Variants in TENM1 observed in about 807,000 individuals in gnomAD.
The protein encoded by TENM1 is teneurin-1.
Under a neutral mutation model 174.8 loss-of-function variants are expected in TENM1, and 35 were observed. The ratio of observed to expected loss-of-function variants is 0.20; its 90% CI spans 0.15 to 0.27. TENM1 has a LOEUF of 0.27. TENM1 is among the 10% of genes least tolerant of loss of function. The pLI is 1.00. For synonymous variants in TENM1, 781 were observed against 798.7 expected, an observed-to-expected ratio of 0.98 and a Z score of 0.37; for missense variants, 1,633 against 2,130.1, an observed-to-expected ratio of 0.77 and a Z score of 4.59.
At chrX:125,017,961 T>C in the TENM1 span, among the ~76,000 whole-genome samples, 1 of 111,351 alleles carries the variant, frequency 9.0e-6, no homozygotes, top group Admixed American at 9.6e-5. Context: ...GGCACGTGTA[T>C]ACCTATGTAA....
At chrX:124,530,881 G>A (rs2048090316) in intron 15 of TENM1, among the ~76,000 whole-genome samples, 2 of 111,992 alleles carry the variant, frequency 1.8e-5, no homozygotes, top group South Asian at 3.7e-4. Context: ...GACTTTCAGC[G>A]CTAGCCTGGC....
intron 11 of TENM1, among the ~76,000 whole-genome samples, chrX:124,602,801 T>C (rs771909839): frequency 1.3e-4 from 15 of 111,493 alleles, no homozygotes; most frequent in Non-Finnish European, 2.5e-4. Context: ...CCAGAGAAAG[T>C]GAAACTGAAG....
At chrX:125,125,226 A>T in the TENM1 span, among the ~76,000 whole-genome samples, 31 of 112,341 alleles carry the variant, frequency 2.8e-4, no homozygotes, top group Non-Finnish European at 1.7e-4. Flanking sequence ...TCCTGCCAAT[A>T]AATCGACACA....
chrX:125,176,814 C>T, the TENM1 span, among the ~76,000 whole-genome samples: 1 of 111,637 alleles, frequency 9.0e-6, no homozygotes, highest in South Asian at 3.7e-4. Flanking sequence ...TCTCCCTCCG[C>T]CTTTTCAAAC....
rs750487984 is a variant in TENM1, at chrX:124,486,865, C to A, written c.3716+344G>T. 5.4e-5 allele frequency among the ~76,000 whole-genome samples: 6 copies of A among 112,018 alleles called. No homozygotes were observed. In the South Asian group the frequency reaches 2.2e-3, roughly 42 times the overall value. Reference sequence around the variant, plus strand: ...GCTGTATTACCTCTTTCTCTACCTGCAATTTGAAAACATCAAATCTATTTG... The same window carrying A: ...GCTGTATTACCTCTTTCTCTACCTGAAATTTGAAAACATCAAATCTATTTG... On this transcript the variant is annotated intron_variant, in intron 21 of 31. Coordinates refer to ENST00000422452, the Ensembl canonical transcript of TENM1.
chrX:125,031,912 T>C, the TENM1 span, among the ~76,000 whole-genome samples: 44 of 111,823 alleles, frequency 3.9e-4, 1 homozygote, highest in Non-Finnish European at 3.8e-5. Flanking sequence ...ATAAAAGTAA[T>C]AGAATGTGTT....
At chrX:125,174,393 G>T in the TENM1 span, among the ~76,000 whole-genome samples, 3,010 of 111,446 alleles carry the variant, frequency 0.027, 114 homozygotes, top group African/African-American at 0.093. Context: ...AAATAAGCCA[G>T]GAAGAAATGT....
chrX:124,628,097 T>G (rs1451210968), intron 11 of TENM1, among the ~76,000 whole-genome samples: 1 of 111,646 alleles, frequency 9.0e-6, no homozygotes, highest in Admixed American at 9.6e-5. Context: ...GAAGTAGATT[T>G]AAAATGGTTA....
At chrX:124,925,113 CAG>C (rs2058074600) in intron 1 of TENM1, among the ~76,000 whole-genome samples, 1 of 108,249 alleles carries the variant, frequency 9.2e-6, no homozygotes. Context: ...AATATGGAGA[CAG>C]AATTTAACAT....
intron 3 of TENM1, among the ~76,000 whole-genome samples, chrX:124,861,804 C>T (rs2056916562): frequency 9.0e-6 from 1 of 111,474 alleles, no homozygotes; most frequent in African/African-American, 3.3e-5. Context: ...CATGCATGTG[C>T]TTATTTATTT....
At position 124,665,359 on chromosome X, in the gene TENM1, AACGAT is replaced by A. The variant is rs916046411; in HGVS notation, c.1168+6319_1168+6323del. Among the ~76,000 whole-genome samples, 4 of 112,122 alleles carry A rather than the reference AACGAT, an allele frequency of 3.6e-5. No homozygotes were observed. In the Admixed American group the frequency reaches 3.8e-4, roughly 11 times the overall value. ...CCGTCTCAAAAAAAAAAGAAAAGGT[AACGAT>A]AGCTGCCACAGAATAAAACTATTAT... On this transcript the variant is annotated intron_variant, in intron 6 of 31. Coordinates refer to ENST00000422452, the Ensembl canonical transcript of TENM1.
chrX:124,883,516 G>A (rs2057335316), intron 3 of TENM1, among the ~76,000 whole-genome samples: 1 of 112,463 alleles, frequency 8.9e-6, no homozygotes, highest in African/African-American at 3.2e-5. Flanking sequence ...ACCAGTCTTA[G>A]TGGGTCCAGG....
chrX:125,142,505 A>G, the TENM1 span, among the ~76,000 whole-genome samples: 32 of 110,892 alleles, frequency 2.9e-4, no homozygotes, highest in Non-Finnish European at 3.4e-4. Flanking sequence ...TGCTTTGGGC[A>G]ACTCCATATT....
intron 16 of TENM1, among the ~76,000 whole-genome samples, chrX:124,524,183 C>T (rs754495675): frequency 1.2e-4 from 13 of 111,284 alleles, no homozygotes; most frequent in Admixed American, 1.9e-4. Flanking sequence ...GCCTGTAAAC[C>T]AGTTAATTTT....
At chrX:124,557,383 TTTA>T (rs1010123824) in intron 14 of TENM1, among the ~76,000 whole-genome samples, 7 of 111,056 alleles carry the variant, frequency 6.3e-5, no homozygotes, top group African/African-American at 2.3e-4. Context: ...CTAAGTCAAA[TTTA>T]TTGTTTTTTT....
chrX:124,592,756 GTTT>G (rs35171520), intron 11 of TENM1, among the ~76,000 whole-genome samples: 2 of 78,772 alleles, frequency 2.5e-5, no homozygotes, highest in African/African-American at 9.2e-5. Context: ...AGGCCTTACT[GTTT>G]TTTTTTTTTT....
intron 22 of TENM1, among the ~76,000 whole-genome samples, chrX:124,475,846 A>G (rs1334340264): frequency 8.9e-6 from 1 of 111,748 alleles, no homozygotes; most frequent in African/African-American, 3.3e-5. Flanking sequence ...CAAGGTGGGC[A>G]TCTCTCCTGC....
chrX:124,750,327 CTG>C (rs2054031910), intron 3 of TENM1, among the ~76,000 whole-genome samples: 1 of 110,930 alleles, frequency 9.0e-6, no homozygotes, highest in African/African-American at 3.3e-5. Flanking sequence ...CTAATCATTT[CTG>C]GGGGGAAGAC....
chrX:124,927,795 T>A (rs140284120), intron 1 of TENM1, among the ~76,000 whole-genome samples: 7,191 of 111,226 alleles, frequency 0.065, 537 homozygotes, highest in African/African-American at 0.22. Flanking sequence ...TAAATTGCAC[T>A]GTAGGGAAAT....
Sources: allele counts gnomAD v4.1 joint callset (sites outside exome capture counted in the v4.1 genomes callset), GRCh38; gene constraint gnomAD v4.1.1; transcripts MANE v1.5; gene names NCBI Gene and HGNC (gene_info 2026-07-23, HGNC 2026-07-21).